KAT7: variants seen among roughly 807,000 people sequenced by gnomAD.
KAT7 encodes histone acetyltransferase KAT7.
A neutral mutation model predicts 82.1 loss-of-function variants in KAT7; 10 were observed. The ratio of observed to expected loss-of-function variants is 0.12; its 90% CI spans 0.08 to 0.21. KAT7 has a LOEUF of 0.21. Ranked by LOEUF, KAT7 falls within the 10% of genes least tolerant of loss-of-function variation. KAT7 has a pLI of 1.00. For missense variants in KAT7, 378 were observed against 760.9 expected (o/e 0.50, Z 5.92); for synonymous variants, 250 against 262.5 (o/e 0.95, Z 0.46).
intron 5 of KAT7, among the ~76,000 whole-genome samples, chr17:49,807,051 C>G (rs1023253022): frequency 2.0e-5 from 3 of 152,172 alleles, no homozygotes; most frequent in African/African-American, 4.8e-5. Context: ...GACACCCTTG[C>G]GATCAGTGAT....
intron 14 of KAT7, 193 bp from the exon 15 acceptor site, chr17:49,827,208 C>T: frequency 1.8e-6 from 1 of 553,266 alleles, no homozygotes; most frequent in Non-Finnish European, 3.2e-6. Flanking sequence ...TTTCATTTCT[C>T]ACTGAGGGTA....
Position 49,818,098 on chromosome 17 carries a change from C to A in KAT7, c.1155+87C>A. ...TTTTGCCATAGCGATGGCATCTGTT[C>A]AGGCACCTTCTCAGTGGTCCTCAGC... On this transcript the variant is annotated intron_variant, in intron 9 of 14. Coordinates refer to ENST00000259021, the MANE Select transcript of KAT7 (RefSeq NM_007067.5). 5 of 1,017,686 alleles carry A rather than the reference C, an allele frequency of 4.9e-6. No homozygotes were observed. In the South Asian group the frequency reaches 7.3e-5, roughly 15 times the overall value. 63.0% of individuals were successfully genotyped at this position (1,017,686 alleles called of 1,614,324 possible).
intron 7 of KAT7, among the ~76,000 whole-genome samples, chr17:49,813,865 T>C (rs1432783862): frequency 6.6e-6 from 1 of 151,428 alleles, no homozygotes; most frequent in Non-Finnish European, 1.5e-5. Context: ...GAGATGACTG[T>C]ATTTCCTTTT....
chr17:49,824,727 A>G (rs1192951787), intron 12 of KAT7: 1 of 152,168 alleles, frequency 6.6e-6, no homozygotes, highest in African/African-American at 2.4e-5. Flanking sequence ...GGGGAACTAT[A>G]TATCTTTGAA....
intron 9 of KAT7, among the ~76,000 whole-genome samples, chr17:49,820,255 C>T (rs181084505): frequency 7.3e-5 from 11 of 150,734 alleles, no homozygotes; most frequent in Middle Eastern, 3.4e-3. Context: ...AAAAAAAAAA[C>T]TTTTTTTTAT....
At chr17:49,796,381 C>T (rs565973261) in intron 2 of KAT7, among the ~76,000 whole-genome samples, 1 of 152,298 alleles carries the variant, frequency 6.6e-6, no homozygotes, top group South Asian at 2.1e-4. Context: ...CATTATCTCA[C>T]CTATTCCTCA....
intron 12 of KAT7, chr17:49,823,663 TGG>T (rs1430869689): frequency 1.6e-5 from 3 of 184,976 alleles, no homozygotes; most frequent in Non-Finnish European, 1.1e-5. Context: ...ATGTACCCAA[TGG>T]ACCCTGTGCA....
intron 2 of KAT7, among the ~76,000 whole-genome samples, chr17:49,793,108 C>A (rs1451243020): frequency 6.6e-6 from 1 of 152,174 alleles, no homozygotes; most frequent in African/African-American, 2.4e-5. Context: ...CCACCATGTT[C>A]AGCCTGTAAA....
chr17:49,805,241 A>C (rs2074076874), intron 4 of KAT7, 122 bp from the exon 5 acceptor site: 1 of 647,630 alleles, frequency 1.5e-6, no homozygotes, highest in African/African-American at 1.8e-5. Flanking sequence ...TGGTGGATTC[A>C]GTCTGATCAG....
Position 49,798,464 on chromosome 17 carries a change from A to C in KAT7, c.486A>C (p.Ser162=), listed in dbSNP as rs144509816. The C allele has an allele frequency of 1.8e-4, 297 of 1,614,226 alleles. No individual in the cohort carries two copies. The African/African-American group carries it at 3.5e-3, about 19-fold the overall frequency. ...CCAAGGACATGTCCCTGAAGGACTC[A>C]GGCAGTGATCTCTCTCATCGCCCCA... The part of the protein sequence containing the change: ...SIAKDMSLKD[S]GSDLSHRPKR... Residue 162 remains serine, a synonymous_variant, in exon 4 of 15, where the codon TCA becomes TCC. Coordinates refer to ENST00000259021, the MANE Select transcript of KAT7 (RefSeq NM_007067.5).
intron 4 of KAT7, among the ~76,000 whole-genome samples, chr17:49,804,068 C>CA (rs891902219): frequency 2.6e-5 from 4 of 151,860 alleles, no homozygotes; most frequent in Non-Finnish European, 4.4e-5. Flanking sequence ...TGTGTGTTTT[C>CA]AAAAAAACCA....
rs144961231 is a variant in KAT7 at position 49,809,911 on chromosome 17, G to A, written c.753+703G>A. Reference sequence around the variant, plus strand: ...ATTCCCATTGTAGTGCTCTCAAAATGTTAGCCTTTGTGACATATTATATTT... The same window carrying A: ...ATTCCCATTGTAGTGCTCTCAAAATATTAGCCTTTGTGACATATTATATTT... On this transcript the variant is annotated intron_variant, in intron 6 of 14. Coordinates refer to ENST00000259021, the MANE Select transcript of KAT7 (RefSeq NM_007067.5). Among the ~76,000 whole-genome samples the A allele has an allele frequency of 3.3e-5, 5 of 152,308 alleles. No homozygotes were observed. The East Asian group carries it at 9.6e-4, about 29-fold the overall frequency.
chr17:49,826,456 G>A, intron 13 of KAT7: 1 of 518,238 alleles, frequency 1.9e-6, no homozygotes, highest in East Asian at 3.2e-5. Context: ...AATTTAGTTT[G>A]ATCTATATTT....
Position 49,831,636 on chromosome 17 carries a change from C to T in KAT7, c.*4134C>T, listed in dbSNP as rs540371262. 2 of 152,078 alleles carry T rather than the reference C, an allele frequency of 1.3e-5. No individual in the cohort carries two copies. Among genetic ancestry groups the T allele is most frequent in the South Asian group, 4.1e-4 (2 of 4,822 alleles). The allele number at this position is 152,078 out of a possible 1,614,324, so 9.4% of individuals were successfully genotyped here. ...ATGCTTCCATGCTATTTTCCCATTT[C>T]TTATCTGGGGATAATGAGTCATATT... On this transcript the variant is annotated 3_prime_UTR_variant, in exon 15 of 15. Coordinates refer to ENST00000259021, the MANE Select transcript of KAT7 (RefSeq NM_007067.5).
intron 2 of KAT7, among the ~76,000 whole-genome samples, chr17:49,792,618 A>G (rs1355440004): frequency 6.6e-6 from 1 of 152,132 alleles, no homozygotes; most frequent in African/African-American, 2.4e-5. Context: ...CCAGTCAGCC[A>G]TTTGATCATG....
intron 5 of KAT7, among the ~76,000 whole-genome samples, chr17:49,807,082 T>A (rs778161821): frequency 6.6e-6 from 1 of 152,232 alleles, no homozygotes; most frequent in Non-Finnish European, 1.5e-5. Context: ...TATTCAGTCA[T>A]ATATTTCTGT....
At chr17:49,795,776 A>G (rs546044267) in intron 2 of KAT7, 1 of 224,404 alleles carries the variant, frequency 4.5e-6, no homozygotes, top group Non-Finnish European at 9.6e-6. Context: ...GTTCCCCTAC[A>G]CTAGGTGTTT....
At chr17:49,827,328 A>G (rs1188717180) in intron 14 of KAT7, 73 bp from the exon 15 acceptor site, 8 of 855,528 alleles carry the variant, frequency 9.4e-6, no homozygotes, top group African/African-American at 3.3e-5. Flanking sequence ...CTTGGCGGTT[A>G]GTTATTTTGG....
intron 6 of KAT7, among the ~76,000 whole-genome samples, chr17:49,810,949 C>T (rs563900230): frequency 4.6e-4 from 70 of 152,040 alleles, no homozygotes; most frequent in African/African-American, 1.4e-3. Context: ...CAGTGAGCCG[C>T]GATCGTGCCG....
Sources: gnomAD v4.1 joint callset for allele counts (sites outside exome capture counted in the v4.1 genomes callset) on GRCh38, gnomAD v4.1.1 for gene constraint, MANE v1.5 for transcripts, NCBI Gene and HGNC (gene_info 2026-07-23, HGNC 2026-07-21) for gene names.